PHF3: variants seen among roughly 807,000 people sequenced by gnomAD.
The protein encoded by PHF3 is PHD finger protein 3.
PHF3 carries 41 observed loss-of-function variants against 178.4 expected under a neutral mutation model. The ratio of observed to expected loss-of-function variants is 0.23; its 90% confidence interval spans 0.18 to 0.30. The LOEUF is 0.30. Ranked by LOEUF, PHF3 falls within the 10% of genes least tolerant of loss-of-function variation. PHF3 has a pLI of 1.00. For missense variants in PHF3, 2,346 were observed against 2,398.1 expected, an observed-to-expected ratio of 0.98 and a Z score of 0.45; for synonymous variants, 842 against 800.5, an observed-to-expected ratio of 1.05 and a Z score of -0.88.
intron 1 of PHF3, among the ~76,000 whole-genome samples, chr6:63,642,807 T>A (rs1764629850): frequency 6.6e-6 from 1 of 152,198 alleles, no homozygotes; most frequent in Admixed American, 6.5e-5. Context: ...TTAGACAATT[T>A]GTTTAATTAA....
Position 63,712,898 on chromosome 6 carries a change from A to G in PHF3, c.5310A>G (p.Thr1770=), listed in dbSNP as rs762945904. 2 of 1,613,894 alleles carry G rather than the reference A, an allele frequency of 1.2e-6. No homozygotes were observed. The highest frequency in any genetic ancestry group is 1.3e-5 in the African/African-American group (1 of 74,892). Residue 1770 remains threonine, a synonymous_variant, in exon 16 of 16, where the codon ACA becomes ACG. Coordinates refer to ENST00000262043, the MANE Select transcript of PHF3 (RefSeq NM_001370348.2). ...CATCTCATTTTGAAGTTGGAAACAC[A>G]TGTCCATCAGAATTTCCTTCTAAAA... ...VATSHFEVGN[T]CPSEFPSKSI...
chr6:63,702,740 T>C (rs940726574), intron 10 of PHF3, 101 bp downstream of exon 10: 121 of 1,169,826 alleles, frequency 1.0e-4, no homozygotes, highest in Middle Eastern at 1.0e-3. Context: ...TTTTAAAATA[T>C]GCATCCATTT....
intron 2 of PHF3, among the ~76,000 whole-genome samples, chr6:63,653,578 A>G (rs1369567670): frequency 1.3e-5 from 2 of 152,170 alleles, no homozygotes; most frequent in African/African-American, 4.8e-5. Context: ...AAGTTCTAAC[A>G]GTGCAGATGT....
At chr6:63,670,615 C>G (rs1765875305) in intron 2 of PHF3, among the ~76,000 whole-genome samples, 2 of 152,114 alleles carry the variant, frequency 1.3e-5, no homozygotes, top group Non-Finnish European at 2.9e-5. Flanking sequence ...CTTTTGATTG[C>G]TGAGGATAAC....
rs558960221 is a variant in PHF3, at chr6:63,706,496, A to G, written c.3564-233A>G. Among the ~76,000 whole-genome samples, 19 of 152,328 alleles carry G rather than the reference A, an allele frequency of 1.2e-4. No homozygotes were observed. The South Asian group carries it at 3.9e-3, about 32-fold the overall frequency. On this transcript the variant is annotated intron_variant, in intron 12 of 15. Coordinates refer to ENST00000262043, the MANE Select transcript of PHF3 (RefSeq NM_001370348.2). ...GTCAGGGATAGATTATTAAAGACGA[A>G]ATGTTTGCACTTTTCTCAATCTTAG...
chr6:63,688,638 T>C (rs1406566017), intron 4 of PHF3, among the ~76,000 whole-genome samples: 1 of 151,956 alleles, frequency 6.6e-6, no homozygotes, highest in Non-Finnish European at 1.5e-5. Flanking sequence ...CCCAGCTGAT[T>C]GTTGTTTTTA....
rs565949616 is a variant in PHF3 at position 63,719,408 on chromosome 6, AT to A, written c.*5707del. Among the ~76,000 whole-genome samples the A allele has an allele frequency of 5.7e-4, 86 of 151,088 alleles. No homozygotes were observed. The highest frequency in any genetic ancestry group is 2.0e-3 in the African/African-American group (81 of 40,556). On this transcript the variant is annotated 3_prime_UTR_variant, in exon 16 of 16. Transcript: ENST00000262043. The stretch of plus-strand genomic sequence containing the variant: ...ACATTACATGCTGCTTATTACTAAG[AT>A]TTTTTTCTCCAGATGACCTATTCTA...
At chr6:63,653,993 G>A (rs1765127002) in intron 2 of PHF3, among the ~76,000 whole-genome samples, 1 of 152,098 alleles carries the variant, frequency 6.6e-6, no homozygotes, top group African/African-American at 2.4e-5. Flanking sequence ...ACTTGATTGT[G>A]GTGAGTGATC....
Position 63,724,971 on chromosome 6 carries a change from G to T in PHF3, c.*11263G>T, listed in dbSNP as rs1768554370. ...GGTACAAAGTACAGGACTGTCAGCTGCATTTTCTGCAACCTTAAATAAATG... is the reference window on the plus strand; with the variant it reads ...GGTACAAAGTACAGGACTGTCAGCTTCATTTTCTGCAACCTTAAATAAATG... On this transcript the variant is annotated 3_prime_UTR_variant, in exon 16 of 16. Transcript: ENST00000262043. Among the ~76,000 whole-genome samples, 1 of 152,014 alleles carries T rather than the reference G, an allele frequency of 6.6e-6. No individual in the cohort carries two copies. Among genetic ancestry groups the T allele is most frequent in the East Asian group, 1.9e-4 (1 of 5,194 alleles).
rs1007848809 is a variant in PHF3 at position 63,716,518 on chromosome 6, T to C, written c.*2810T>C. ...CCTAATTCTCTATTCCTGTTTTCTATTGCTGTTGTGATGAATTACTACAAG... is the reference window on the plus strand; with the variant it reads ...CCTAATTCTCTATTCCTGTTTTCTACTGCTGTTGTGATGAATTACTACAAG... On this transcript the variant is annotated 3_prime_UTR_variant, in exon 16 of 16. Coordinates refer to ENST00000262043, the MANE Select transcript of PHF3 (RefSeq NM_001370348.2). 1.3e-5 allele frequency among the ~76,000 whole-genome samples: 2 copies of C among 152,114 alleles called. No homozygotes were observed. Among genetic ancestry groups the C allele is most frequent in the African/African-American group, 4.8e-5 (2 of 41,432 alleles).
chr6:63,673,654 C>CT lies in PHF3; in HGVS notation c.245-6345dup, dbSNP rs572506461. 2.0e-5 allele frequency among the ~76,000 whole-genome samples: 3 copies of CT among 152,232 alleles called. No individual in the cohort carries two copies. In the East Asian group the frequency reaches 5.8e-4, roughly 29 times the overall value. On this transcript the variant is annotated intron_variant, in intron 2 of 15. Transcript: ENST00000262043. ...AAACATGTTTTCTTCAAGGATGGGG[C>CT]TGAGGGTTCCTTGAAAAATCAAGGG...
rs1232944983 is a variant in PHF3 at position 63,720,018 on chromosome 6, C to T, written c.*6310C>T. 2.6e-5 allele frequency: 4 copies of T among 152,278 alleles called. No homozygotes were observed. The highest frequency in any genetic ancestry group is 4.4e-5 in the Non-Finnish European group (3 of 68,136). The allele number at this position is 152,278 out of a possible 1,614,324, so 9.4% of individuals were successfully genotyped here. On this transcript the variant is annotated 3_prime_UTR_variant, in exon 16 of 16. Transcript: ENST00000262043. ...TTAGCTCTTACCAGCCTGTTCTCCTCTCCTCTCACCTTCTCTTTCTACATT... is the reference window on the plus strand; with the variant it reads ...TTAGCTCTTACCAGCCTGTTCTCCTTTCCTCTCACCTTCTCTTTCTACATT...
At chr6:63,644,963 C>T (rs181644637) in intron 1 of PHF3, among the ~76,000 whole-genome samples, 17 of 151,928 alleles carry the variant, frequency 1.1e-4, no homozygotes, top group East Asian at 1.9e-4. Context: ...TCGCTGCAAC[C>T]TCCACTTCCC....
intron 1 of PHF3, among the ~76,000 whole-genome samples, chr6:63,637,081 C>T (rs1162622025): frequency 6.6e-6 from 1 of 152,136 alleles, no homozygotes; most frequent in Non-Finnish European, 1.5e-5. Context: ...TGTTAAGTGG[C>T]AACACTGCTT....
At chr6:63,640,891 A>G (rs898998866) in intron 1 of PHF3, among the ~76,000 whole-genome samples, 2 of 152,154 alleles carry the variant, frequency 1.3e-5, no homozygotes, top group Non-Finnish European at 2.9e-5. Flanking sequence ...GCATTATAGT[A>G]TGTTTACTAG....
chr6:63,691,908 C>T lies in PHF3; in HGVS notation c.2361C>T (p.Asn787=). Residue 787 remains asparagine, a synonymous_variant, in exon 5 of 16, where the codon AAC becomes AAT. Coordinates refer to ENST00000262043, the MANE Select transcript of PHF3 (RefSeq NM_001370348.2). ...TEILDPDTLE[N]QATVEFHSGD... The stretch of plus-strand genomic sequence containing the variant: ...TACTAGATCCAGATACTTTGGAAAA[C>T]CAAGCTACAGTTGAATTCCATAGTG... 6.2e-7 allele frequency: 1 copy of T among 1,613,562 alleles called. No homozygotes were observed. The highest frequency in any genetic ancestry group is 8.5e-7 in the Non-Finnish European group (1 of 1,179,864).
rs2149617047 is a variant in PHF3, at chr6:63,715,143, C to G, written c.*1435C>G. The stretch of plus-strand genomic sequence containing the variant: ...AAATTGGTTTTGAAACAGAATTATC[C>G]TTGTTATTTTTGCTGGAGAGAAGGG... On this transcript the variant is annotated 3_prime_UTR_variant, in exon 16 of 16. Coordinates refer to ENST00000262043, the MANE Select transcript of PHF3 (RefSeq NM_001370348.2). The G allele has an allele frequency of 6.6e-6, 1 of 152,086 alleles. No homozygotes were observed. Among genetic ancestry groups the G allele is most frequent in the South Asian group, 2.1e-4 (1 of 4,830 alleles). The allele number at this position is 152,086 out of a possible 1,614,324, so 9.4% of individuals were successfully genotyped here.
At chr6:63,664,809 C>T (rs1169238811) in intron 2 of PHF3, among the ~76,000 whole-genome samples, 2 of 151,490 alleles carry the variant, frequency 1.3e-5, no homozygotes, top group South Asian at 2.1e-4. Flanking sequence ...AAAGATAACT[C>T]GATTATACAT....
At position 63,662,410 on chromosome 6, in the gene PHF3, T is replaced by C. The variant is rs150705374; in HGVS notation, c.244+15615T>C. Among the ~76,000 whole-genome samples, 1,120 of 152,310 alleles carry C rather than the reference T, an allele frequency of 7.4e-3. 8 individuals are homozygous for C. The highest frequency in any genetic ancestry group is 0.014 in the Middle Eastern group (4 of 294). On this transcript the variant is annotated intron_variant, in intron 2 of 15. Coordinates refer to ENST00000262043, the MANE Select transcript of PHF3 (RefSeq NM_001370348.2). Reference sequence around the variant, plus strand: ...CTGAGTAAAATTCATCAATTTTATTTTCTTTAGTTCTAGTGATTTTTCTCG... The same window carrying C: ...CTGAGTAAAATTCATCAATTTTATTCTCTTTAGTTCTAGTGATTTTTCTCG...
Sources: allele counts gnomAD v4.1 joint callset (sites outside exome capture counted in the v4.1 genomes callset), GRCh38; gene constraint gnomAD v4.1.1; transcripts MANE v1.5; gene names NCBI Gene and HGNC (gene_info 2026-07-23, HGNC 2026-07-21).